SP100: variants seen among roughly 807,000 people sequenced by gnomAD.
The protein encoded by SP100 is SP100 nuclear body protein, also known as nuclear autoantigen Sp-100.
In SP100, 84 loss-of-function variants were observed where a neutral mutation model predicts 130.0. That is an observed-to-expected ratio of 0.65 (90% CI 0.54 to 0.77). The LOEUF is 0.77. Ranked by LOEUF, SP100 falls within the 30% of genes least tolerant of loss-of-function variation. The pLI is 0.00. For missense variants in SP100, 978 were observed against 1,052.2 expected (o/e 0.93, Z 0.97); for synonymous variants, 331 against 351.7 (o/e 0.94, Z 0.66).
At chr2:230,464,998 G>A (rs1396465531) in intron 11 of SP100, among the ~76,000 whole-genome samples, 1 of 152,172 alleles carries the variant, frequency 6.6e-6, no homozygotes, top group Non-Finnish European at 1.5e-5. Context: ...AGCACTTTGG[G>A]AGGCGGGGGC....
intron 18 of SP100, 53 bp from the exon 19 acceptor site, chr2:230,498,408 A>G (rs2066818136): frequency 6.2e-6 from 7 of 1,134,230 alleles, no homozygotes; most frequent in East Asian, 2.7e-5. Flanking sequence ...GCACTATTAT[A>G]TATAATGTGA....
chr2:230,481,979 T>C lies in SP100; in HGVS notation c.1600+7532T>C, dbSNP rs145576750. Among the ~76,000 whole-genome samples, 204 of 152,300 alleles carry C rather than the reference T, an allele frequency of 1.3e-3. 1 individual carries two copies. Among genetic ancestry groups the C allele is most frequent in the African/African-American group, 4.7e-3 (196 of 41,558 alleles). ...CCATATTTTTTTAATTATTATACTT[T>C]AAGTTTTAGGGTACATGTGCACATT... On this transcript the variant is annotated intron_variant, in intron 17 of 28. Coordinates refer to ENST00000340126, the MANE Select transcript of SP100 (RefSeq NM_001080391.2).
chr2:230,503,710 G>A (rs921797287), intron 20 of SP100, among the ~76,000 whole-genome samples: 1 of 152,178 alleles, frequency 6.6e-6, no homozygotes, highest in Non-Finnish European at 1.5e-5. Context: ...GTGAAAAAGT[G>A]AAGCAAAGCA....
intron 24 of SP100, among the ~76,000 whole-genome samples, chr2:230,537,271 C>T (rs1691982528): frequency 6.6e-6 from 1 of 152,128 alleles, no homozygotes; most frequent in Non-Finnish European, 1.5e-5. Flanking sequence ...AACAAAAATG[C>T]CATGCAGCTG....
intron 24 of SP100, chr2:230,539,054 G>C: frequency 2.5e-6 from 1 of 399,518 alleles, no homozygotes; most frequent in East Asian, 3.8e-5. Context: ...CAGAATCTCT[G>C]GTTTCATAAA....
At chr2:230,465,790 C>A (rs947050098) in intron 11 of SP100, among the ~76,000 whole-genome samples, 3 of 152,044 alleles carry the variant, frequency 2.0e-5, no homozygotes, top group Non-Finnish European at 2.9e-5. Flanking sequence ...AAATAATACA[C>A]ACAGAGGATT....
chr2:230,430,566 A>G (rs1054869933), intron 2 of SP100, among the ~76,000 whole-genome samples: 4 of 152,216 alleles, frequency 2.6e-5, no homozygotes, highest in African/African-American at 9.6e-5. Context: ...TCAGGAAGGT[A>G]GCATAAATTT....
chr2:230,541,429 A>G, intron 27 of SP100, 57 bp downstream of exon 27: 3 of 1,427,982 alleles, frequency 2.1e-6, no homozygotes, highest in Non-Finnish European at 2.0e-6. Flanking sequence ...CTGTGATCTG[A>G]ATCCCATGGC....
In SP100 at chr2:230,539,268, C is replaced by T. The variant is rs749719698; in HGVS notation, c.2096C>T (p.Pro699Leu). 25 of 1,610,950 alleles carry T rather than the reference C, an allele frequency of 1.6e-5. No individual in the cohort carries two copies. Among genetic ancestry groups the T allele is most frequent in the African/African-American group, 4.0e-5 (3 of 74,842 alleles). Residue 699 changes from proline (P) to leucine (L), a missense_variant and splice_region_variant, in exon 25 of 29, where the codon CCG (proline) becomes CTG (leucine). Physicochemically the swap from Pro to Leu is moderately conservative, Grantham distance 98. Coordinates refer to ENST00000340126, the MANE Select transcript of SP100 (RefSeq NM_001080391.2). ...TGATGTCTACATCTCCCCTTCTAGC[C>T]GGAAAACTCAAATATATGTGAGGTG... ...SHNNTLVDPC[P>L]ENSNICEVCN...
chr2:230,537,819 C>T (rs1425614681), intron 24 of SP100: 1 of 152,266 alleles, frequency 6.6e-6, no homozygotes, highest in Non-Finnish European at 1.5e-5. Context: ...TTGTGAGTCA[C>T]TGTAGTGCAA....
intron 5 of SP100, among the ~76,000 whole-genome samples, chr2:230,448,423 G>T (rs972641067): frequency 5.3e-5 from 8 of 152,122 alleles, no homozygotes; most frequent in African/African-American, 1.9e-4. Context: ...TGCAGATAAG[G>T]TAACTGAAAT....
intron 9 of SP100, 143 bp from the exon 10 acceptor site, chr2:230,462,292 G>A (rs2064696891): frequency 6.8e-6 from 4 of 586,930 alleles, no homozygotes; most frequent in African/African-American, 3.7e-5. Flanking sequence ...AACTGCAGGT[G>A]GCATGCATTC....
Position 230,507,984 on chromosome 2 carries a change from C to T in SP100, c.2014-9C>T. 6.2e-7 allele frequency: 1 copy of T among 1,612,440 alleles called. No homozygotes were observed. The highest frequency in any genetic ancestry group is 8.5e-7 in the Non-Finnish European group (1 of 1,179,226). ...ACCCATCAAATCATTTATCTCTTTTCTTTTTTAGAACAAATTTCTGCCAGA... is the reference window on the plus strand; with the variant it reads ...ACCCATCAAATCATTTATCTCTTTTTTTTTTTAGAACAAATTTCTGCCAGA... On this transcript the variant is annotated splice_polypyrimidine_tract_variant and intron_variant, in intron 22 of 28. Coordinates refer to ENST00000340126, the MANE Select transcript of SP100 (RefSeq NM_001080391.2).
At chr2:230,526,979 G>C (rs1691460503) in intron 24 of SP100, among the ~76,000 whole-genome samples, 1 of 152,132 alleles carries the variant, frequency 6.6e-6, no homozygotes, top group Admixed American at 6.6e-5. Context: ...GGGGAGAATG[G>C]AACCAAGTTA....
At chr2:230,517,580 G>T (rs949688904) in intron 24 of SP100, among the ~76,000 whole-genome samples, 2 of 152,066 alleles carry the variant, frequency 1.3e-5, no homozygotes, top group Non-Finnish European at 2.9e-5. Flanking sequence ...TGGTCAACAT[G>T]GTGAAACTCT....
intron 2 of SP100, among the ~76,000 whole-genome samples, chr2:230,431,902 T>C (rs1306762918): frequency 1.3e-5 from 2 of 152,224 alleles, no homozygotes; most frequent in Non-Finnish European, 2.9e-5. Flanking sequence ...ATAATTTACA[T>C]ACTGTAAAAT....
At chr2:230,478,114 CTT>C (rs898325154) in intron 17 of SP100, among the ~76,000 whole-genome samples, 1 of 151,996 alleles carries the variant, frequency 6.6e-6, no homozygotes, top group Admixed American at 6.6e-5. Flanking sequence ...CTATGAATAT[CTT>C]TTTTTCTATT....
At chr2:230,479,394 TTA>T (rs200719449) in intron 17 of SP100, among the ~76,000 whole-genome samples, 1 of 152,236 alleles carries the variant, frequency 6.6e-6, no homozygotes, top group East Asian at 1.9e-4. Flanking sequence ...TTATTTTCTT[TTA>T]TCTCAAAATA....
chr2:230,469,800 A>C (rs1472741408), intron 14 of SP100: 1 of 1,441,794 alleles, frequency 6.9e-7, no homozygotes, highest in East Asian at 3.2e-5. Flanking sequence ...AAAGAAGAAG[A>C]AACAATGTCA....
Sources: gnomAD v4.1 joint callset for allele counts (sites outside exome capture counted in the v4.1 genomes callset) on GRCh38, gnomAD v4.1.1 for gene constraint, MANE v1.5 for transcripts, NCBI Gene and HGNC (gene_info 2026-07-23, HGNC 2026-07-21) for gene names.